Variants in SCRG1 observed in about 807,000 individuals in gnomAD.
SCRG1 encodes scrapie-responsive protein 1.
Under a neutral mutation model 7.7 loss-of-function variants are expected in SCRG1, and 3 were observed. The observed-to-expected ratio is 0.39, with a 90% CI of 0.18 to 1.01. SCRG1 has a LOEUF of 1.01. Among genes scored for constraint, SCRG1 ranks in the 50% least tolerant of loss-of-function variants. The pLI, the probability that SCRG1 is intolerant of heterozygous loss-of-function variation, is 0.36. For missense variants in SCRG1, 110 were observed against 117.2 expected (o/e 0.94, Z 0.28); for synonymous variants, 46 against 41.2 (o/e 1.12, Z -0.44).
chr4:173,441,676 A>G, the SCRG1 span, among the ~76,000 whole-genome samples: 1 of 152,218 alleles, frequency 6.6e-6, no homozygotes, highest in Non-Finnish European at 1.5e-5. Flanking sequence ...ATGTGAGGCA[A>G]TTAAGAAGAT....
At chr4:173,425,140 T>C in the SCRG1 span, among the ~76,000 whole-genome samples, 32 of 152,300 alleles carry the variant, frequency 2.1e-4, no homozygotes, top group Middle Eastern at 3.4e-3. Context: ...CATGGTTCTG[T>C]AACATCATTG....
At chr4:173,466,634 A>G in the SCRG1 span, among the ~76,000 whole-genome samples, 1 of 152,054 alleles carries the variant, frequency 6.6e-6, no homozygotes, top group Non-Finnish European at 1.5e-5. Flanking sequence ...AAAAACTTAA[A>G]GAAAGAGTCC....
At chr4:173,433,957 C>G in the SCRG1 span, among the ~76,000 whole-genome samples, 1 of 152,252 alleles carries the variant, frequency 6.6e-6, no homozygotes, top group Admixed American at 6.5e-5. Flanking sequence ...TTGCTTCTTA[C>G]TTATCTCTGT....
chr4:173,502,021 C>T, the SCRG1 span, among the ~76,000 whole-genome samples: 221 of 152,208 alleles, frequency 1.5e-3, 2 homozygotes, highest in South Asian at 0.043. The surrounding 1 kb of genome is among the most constrained non-coding windows in gnomAD (Gnocchi z 4.6). Context: ...GAGACTGGTG[C>T]GTTAATGGAA....
At chr4:173,499,552 TATATTCTTCAGTAA>T in the SCRG1 span, among the ~76,000 whole-genome samples, 1 of 152,224 alleles carries the variant, frequency 6.6e-6, no homozygotes, top group Non-Finnish European at 1.5e-5. This position sits in a 1 kb window ranked among gnomAD's most constrained non-coding sequence, Gnocchi z 4.1. Flanking sequence ...CCTAGTTCAG[TATATTCTTCAGTAA>T]ATATTTAGTA....
the SCRG1 span, among the ~76,000 whole-genome samples, chr4:173,445,717 G>A: frequency 1.3e-5 from 2 of 150,118 alleles, no homozygotes; most frequent in Non-Finnish European, 3.0e-5. Flanking sequence ...CTAGGCCGGA[G>A]TGCAGTGGCG....
the SCRG1 span, among the ~76,000 whole-genome samples, chr4:173,499,592 C>T: frequency 6.6e-6 from 1 of 152,220 alleles, no homozygotes; most frequent in Non-Finnish European, 1.5e-5. This position sits in a 1 kb window ranked among gnomAD's most constrained non-coding sequence, Gnocchi z 4.1. Flanking sequence ...CTCCCCCACC[C>T]ACTACTGAAC....
the SCRG1 span, among the ~76,000 whole-genome samples, chr4:173,440,416 A>T: frequency 1.3e-5 from 2 of 152,298 alleles, no homozygotes; most frequent in South Asian, 4.1e-4. Flanking sequence ...GGCAAATTTG[A>T]ATTTTGTTGG....
In SCRG1 at chr4:173,384,934, T is replaced by G. The variant is rs1267824293; in HGVS notation, c.*3407A>C. 1 of 152,226 alleles carries G rather than the reference T, an allele frequency of 6.6e-6. No individual in the cohort carries two copies. Among genetic ancestry groups the G allele is most frequent in the Non-Finnish European group, 1.5e-5 (1 of 68,032 alleles). 9.4% of individuals were successfully genotyped at this position (152,226 alleles called of 1,614,324 possible). On this transcript the variant is annotated 3_prime_UTR_variant, in exon 3 of 3. Coordinates refer to ENST00000296506, the MANE Select transcript of SCRG1 (RefSeq NM_007281.4). The stretch of plus-strand genomic sequence containing the variant: ...GTTTGCCTTTCTGTAAAGGAAATAA[T>G]GCATTAGGTAATGCTGTTAAACAAC...
the SCRG1 span, among the ~76,000 whole-genome samples, chr4:173,485,644 A>G: frequency 6.6e-6 from 1 of 152,112 alleles, no homozygotes; most frequent in African/African-American, 2.4e-5. Flanking sequence ...ATTCTCAAAG[A>G]TTATGAACTA....
the SCRG1 span, among the ~76,000 whole-genome samples, chr4:173,463,504 C>T: frequency 1.3e-5 from 2 of 152,064 alleles, no homozygotes; most frequent in African/African-American, 4.8e-5. Context: ...GAACTCCTGA[C>T]CTCGAGTGAT....
chr4:173,397,282 A>C (rs1272318777), intron 1 of SCRG1, among the ~76,000 whole-genome samples: 1 of 152,190 alleles, frequency 6.6e-6, no homozygotes, highest in Non-Finnish European at 1.5e-5. Context: ...TTCAAGTGCC[A>C]ACAAGAGTGA....
At chr4:173,448,123 C>T in the SCRG1 span, among the ~76,000 whole-genome samples, 6 of 152,264 alleles carry the variant, frequency 3.9e-5, no homozygotes, top group South Asian at 1.2e-3. Context: ...ACCAACCAAA[C>T]AAACCAAAAA....
At chr4:173,409,927 G>A (rs952576974), upstream of SCRG1, among the ~76,000 whole-genome samples, 4 of 152,070 alleles carry the variant, frequency 2.6e-5, no homozygotes, top group Non-Finnish European at 5.9e-5. Context: ...TTAGGTGAGT[G>A]GATATACATG....
chr4:173,437,960 C>A, the SCRG1 span, among the ~76,000 whole-genome samples: 1 of 152,350 alleles, frequency 6.6e-6, no homozygotes. Context: ...TATACCACAT[C>A]ATTCCAAGAA....
At chr4:173,417,745 C>G in the SCRG1 span, among the ~76,000 whole-genome samples, 1 of 152,138 alleles carries the variant, frequency 6.6e-6, no homozygotes, top group Non-Finnish European at 1.5e-5. Context: ...ATCCTCCCAC[C>G]ACCTCAGCCC....
the SCRG1 span, among the ~76,000 whole-genome samples, chr4:173,479,777 C>T: frequency 6.6e-6 from 1 of 151,604 alleles, no homozygotes; most frequent in Non-Finnish European, 1.5e-5. Context: ...CTTTAGGGAA[C>T]TCAGTATTTG....
At chr4:173,487,434 C>A in the SCRG1 span, among the ~76,000 whole-genome samples, 6 of 152,250 alleles carry the variant, frequency 3.9e-5, no homozygotes, top group African/African-American at 1.4e-4. Flanking sequence ...AGCTAGACAG[C>A]AAAAGTCCTT....
At chr4:173,398,991 T>C (rs1739679233) in intron 1 of SCRG1, 77 bp downstream of exon 1, 1 of 152,254 alleles carries the variant, frequency 6.6e-6, no homozygotes, top group Admixed American at 6.5e-5. Context: ...TACATACATT[T>C]CTGCTCTAAT....
Sources: allele counts gnomAD v4.1 joint callset (sites outside exome capture counted in the v4.1 genomes callset), GRCh38; gene constraint gnomAD v4.1.1; non-coding constraint Gnocchi (gnomAD v3.1); transcripts MANE v1.5; gene names NCBI Gene and HGNC (gene_info 2026-07-23, HGNC 2026-07-21).